The following PCDH11X variants were observed in gnomAD, a reference collection of about 807,000 sequenced individuals.
The protein encoded by PCDH11X is protocadherin-11 X-linked.
Under a neutral mutation model 53.3 loss-of-function variants are expected in PCDH11X, and 18 were observed. That is an observed-to-expected ratio of 0.34 (90% confidence interval 0.23 to 0.50). The LOEUF is 0.50. PCDH11X is among the 20% of genes least tolerant of loss of function. The pLI is 0.98. For synonymous variants in PCDH11X, 279 were observed against 393.3 expected, an observed-to-expected ratio of 0.71 and a Z score of 3.44; for missense variants, 570 against 1,032.4, an observed-to-expected ratio of 0.55 and a Z score of 6.14.
chrX:92,506,201 ATTTTC>A (rs1216780373), intron 10 of PCDH11X, among the ~76,000 whole-genome samples: 2 of 42,968 alleles, frequency 4.7e-5, no homozygotes, highest in Non-Finnish European at 9.0e-5. Flanking sequence ...ATTTGGATAC[ATTTTC>A]TTTTCTTTTC....
intron 10 of PCDH11X, among the ~76,000 whole-genome samples, chrX:92,504,160 TATATAG>T (rs1213257568): frequency 1.9e-5 from 2 of 105,630 alleles, no homozygotes; most frequent in African/African-American, 6.9e-5. Flanking sequence ...ACAGATTTGT[TATATAG>T]ATAAATTTTG....
chrX:92,321,143 A>G (rs1366921243), intron 8 of PCDH11X, among the ~76,000 whole-genome samples: 2 of 107,709 alleles, frequency 1.9e-5, no homozygotes, highest in African/African-American at 6.8e-5. Context: ...GGCTTGTGGA[A>G]CAGGAGGTCG....
chrX:92,509,991 GA>G (rs2074135365), intron 10 of PCDH11X, among the ~76,000 whole-genome samples: 1 of 109,421 alleles, frequency 9.1e-6, no homozygotes, highest in Non-Finnish European at 1.9e-5. Flanking sequence ...AATCTAGCTT[GA>G]AAATTATAGA....
At chrX:92,161,696 A>G in intron 6 of PCDH11X, among the ~76,000 whole-genome samples, 1 of 98,667 alleles carries the variant, frequency 1.0e-5, no homozygotes, top group African/African-American at 3.9e-5. Context: ...AACTTCTTGG[A>G]GGCTTTGTTC....
chrX:91,978,622 A>G (rs1569289117), intron 6 of PCDH11X, among the ~76,000 whole-genome samples: 1 of 110,239 alleles, frequency 9.1e-6, no homozygotes, highest in Non-Finnish European at 1.9e-5. Flanking sequence ...CCCTACTTAT[A>G]TTCTGTGGGC....
At chrX:91,977,828 G>A (rs1336041569) in intron 6 of PCDH11X, among the ~76,000 whole-genome samples, 1 of 111,258 alleles carries the variant, frequency 9.0e-6, no homozygotes, top group African/African-American at 3.3e-5. Flanking sequence ...CAGGGTGAGT[G>A]TGCTGGGTTC....
At chrX:91,988,552 T>C (rs1292528976) in intron 6 of PCDH11X, among the ~76,000 whole-genome samples, 6 of 113,087 alleles carry the variant, frequency 5.3e-5, no homozygotes, top group African/African-American at 1.9e-4. Context: ...AATTATAATA[T>C]GTGTCACCTG....
In PCDH11X at chrX:91,792,063, G is replaced by A. The variant is rs762032293; in HGVS notation, c.-379+12379G>A. Reference sequence around the variant, plus strand: ...TTTTTAGTAGAGAGGGGGTTTCACCGTGTTCTCGATCTCCTGACCTCGTGA... The same window carrying A: ...TTTTTAGTAGAGAGGGGGTTTCACCATGTTCTCGATCTCCTGACCTCGTGA... On this transcript the variant is annotated intron_variant, in intron 1 of 10. Coordinates refer to ENST00000682573, the MANE Select transcript of PCDH11X (RefSeq NM_032968.5). Among the ~76,000 whole-genome samples the A allele has an allele frequency of 5.6e-5, 6 of 107,808 alleles. No homozygotes were observed. In the East Asian group the frequency reaches 1.8e-3, roughly 32 times the overall value. The allele number at this position is 107,808 out of a possible 115,157, so 93.6% of individuals were successfully genotyped here.
intron 8 of PCDH11X, among the ~76,000 whole-genome samples, chrX:92,340,171 G>A (rs2069719855): frequency 9.0e-6 from 1 of 111,690 alleles, no homozygotes; most frequent in African/African-American, 3.3e-5. Flanking sequence ...CACAGTGGTG[G>A]GAAGGATGGG....
intron 10 of PCDH11X, among the ~76,000 whole-genome samples, chrX:92,506,812 T>C (rs978256879): frequency 1.8e-5 from 2 of 110,663 alleles, no homozygotes; most frequent in African/African-American, 6.6e-5. Flanking sequence ...TATACATATG[T>C]TATAATTCAT....
At chrX:92,255,727 G>T (rs2067563025) in intron 7 of PCDH11X, among the ~76,000 whole-genome samples, 1 of 112,203 alleles carries the variant, frequency 8.9e-6, no homozygotes, top group Non-Finnish European at 1.9e-5. Flanking sequence ...GCCCCTACTG[G>T]AGGGTGCCTC....
At chrX:92,458,898 G>T (rs2072970994) in intron 9 of PCDH11X, among the ~76,000 whole-genome samples, 1 of 109,881 alleles carries the variant, frequency 9.1e-6, no homozygotes, top group Non-Finnish European at 1.9e-5. Flanking sequence ...AAACCCAACA[G>T]TGGAATTGCT....
intron 4 of PCDH11X, among the ~76,000 whole-genome samples, chrX:91,822,976 G>A (rs1468201293): frequency 1.8e-5 from 2 of 109,783 alleles, no homozygotes; most frequent in African/African-American, 3.3e-5. Flanking sequence ...CCATGTAGTT[G>A]AGCGGTTTTG....
chrX:91,882,876 T>G, intron 6 of PCDH11X: 1 of 1,183,327 alleles, frequency 8.5e-7, no homozygotes, highest in Non-Finnish European at 1.1e-6. Context: ...AACCATCTGA[T>G]TTTGATAACG....
intron 6 of PCDH11X, among the ~76,000 whole-genome samples, chrX:91,889,029 A>C (rs1940360973): frequency 8.9e-6 from 1 of 111,964 alleles, no homozygotes; most frequent in Admixed American, 9.5e-5. Flanking sequence ...CAACTTGAAT[A>C]GTTGTTGAGT....
chrX:91,913,250 C>A (rs1941437758), intron 6 of PCDH11X, among the ~76,000 whole-genome samples: 1 of 111,132 alleles, frequency 9.0e-6, no homozygotes, highest in African/African-American at 3.3e-5. Flanking sequence ...CAAGCAAGTG[C>A]GGGAGTACAG....
intron 7 of PCDH11X, among the ~76,000 whole-genome samples, chrX:92,240,736 G>T (rs1303185720): frequency 9.0e-6 from 1 of 111,122 alleles, no homozygotes; most frequent in Admixed American, 9.7e-5. Context: ...TAATTATTTG[G>T]TCAACTTTCC....
rs776190433 is a variant in PCDH11X at position 92,185,450 on chromosome X, GAGA to G, written c.3034-15921_3034-15919del. The stretch of plus-strand genomic sequence containing the variant: ...GAAATGCTTCAGAACATTGATCTGG[GAGA>G]AGATTTCATAGATAAGACCTCAAAA... On this transcript the variant is annotated intron_variant, in intron 6 of 10. Transcript: ENST00000682573. Among the ~76,000 whole-genome samples the G allele has an allele frequency of 1.5e-3, 164 of 111,073 alleles. 1 individual carries two copies. The highest frequency in any genetic ancestry group is 5.0e-3 in the African/African-American group (153 of 30,610).
chrX:91,998,824 G>C (rs1294867977), intron 6 of PCDH11X, among the ~76,000 whole-genome samples: 1 of 111,345 alleles, frequency 9.0e-6, no homozygotes, highest in Non-Finnish European at 1.9e-5. Context: ...GAATACAGTA[G>C]TAAGCATTCA....
Sources: allele counts gnomAD v4.1 joint callset (sites outside exome capture counted in the v4.1 genomes callset), GRCh38; gene constraint gnomAD v4.1.1; transcripts MANE v1.5; gene names NCBI Gene and HGNC (gene_info 2026-07-23, HGNC 2026-07-21).